The following RYR2 variants were observed in gnomAD, a reference collection of about 807,000 sequenced individuals.
RYR2 encodes cardiac muscle ryanodine receptor-calcium release channel.
In RYR2, 227 loss-of-function variants were observed where a neutral mutation model predicts 601.1. The observed-to-expected ratio is 0.38, with a 90% CI of 0.34 to 0.42. The LOEUF (loss-of-function observed/expected upper bound fraction) is 0.42. Among genes scored for constraint, RYR2 ranks in the 10% least tolerant of loss-of-function variants. The pLI is 1.00. For missense variants in RYR2, 4,646 were observed against 6,156.5 expected (o/e 0.75, Z 8.21); for synonymous variants, 2,223 against 2,175.1 (o/e 1.02, Z -0.61).
At chr1:237,544,294 CTT>C in intron 25 of RYR2, among the ~76,000 whole-genome samples, 1 of 152,084 alleles carries the variant, frequency 6.6e-6, no homozygotes, top group African/African-American at 2.4e-5. Flanking sequence ...GTAAAAGCTA[CTT>C]ATACCTGTTC....
chr1:237,247,779 A>C (rs78522423), intron 1 of RYR2, among the ~76,000 whole-genome samples: 4,493 of 152,250 alleles, frequency 0.03, 233 homozygotes, highest in African/African-American at 0.1. Context: ...CATTGTTTTA[A>C]GAGGGAGATC....
chr1:237,293,692 C>A (rs1427588144), intron 2 of RYR2, among the ~76,000 whole-genome samples: 1 of 152,180 alleles, frequency 6.6e-6, no homozygotes, highest in East Asian at 1.9e-4. Flanking sequence ...CAGATGAACA[C>A]TCAGATGGAA....
chr1:237,760,439 T>G (rs1693331492), intron 83 of RYR2, among the ~76,000 whole-genome samples: 1 of 151,900 alleles, frequency 6.6e-6, no homozygotes, highest in Non-Finnish European at 1.5e-5. Context: ...TCTGCATACT[T>G]GAAAATGAGT....
chr1:237,527,090 T>G (rs2805441), intron 24 of RYR2, among the ~76,000 whole-genome samples: 72,496 of 152,032 alleles, frequency 0.48, 17,571 homozygotes, highest in East Asian at 0.6. Flanking sequence ...TTTGTTAACT[T>G]TGTCAAAGAT....
At chr1:237,308,502 T>C (rs1449848663) in intron 2 of RYR2, among the ~76,000 whole-genome samples, 4 of 152,190 alleles carry the variant, frequency 2.6e-5, no homozygotes, top group Non-Finnish European at 5.9e-5. Flanking sequence ...AATTGGTGGG[T>C]TCTTGGTCTC....
chr1:237,258,126 C>T (rs1177812898), intron 1 of RYR2, among the ~76,000 whole-genome samples: 1 of 148,380 alleles, frequency 6.7e-6, no homozygotes, highest in Non-Finnish European at 1.5e-5. Flanking sequence ...CGAGATCGTG[C>T]CATTGCACTC....
At chr1:237,056,902 C>T (rs941730065) in intron 1 of RYR2, among the ~76,000 whole-genome samples, 12 of 152,194 alleles carry the variant, frequency 7.9e-5, no homozygotes, top group African/African-American at 2.4e-4. Context: ...CGGAAGGAAC[C>T]AGCCCTGCTG....
chr1:237,692,871 C>T (rs1286268094), intron 63 of RYR2, among the ~76,000 whole-genome samples: 1 of 152,150 alleles, frequency 6.6e-6, no homozygotes, highest in Non-Finnish European at 1.5e-5. Context: ...GGTATGCCTA[C>T]CAGATTAATA....
intron 1 of RYR2, among the ~76,000 whole-genome samples, chr1:237,054,118 C>T (rs547952864): frequency 6.6e-6 from 1 of 152,240 alleles, no homozygotes; most frequent in African/African-American, 2.4e-5. Context: ...AGTGATGTTG[C>T]TGGCGAGCCC....
At chr1:237,369,761 A>G (rs1700493369) in intron 6 of RYR2, among the ~76,000 whole-genome samples, 153 bp downstream of exon 6, 1 of 152,190 alleles carries the variant, frequency 6.6e-6, no homozygotes, top group Non-Finnish European at 1.5e-5. Flanking sequence ...TTAGTTTCTC[A>G]TGTAAAAGAT....
intron 17 of RYR2, among the ~76,000 whole-genome samples, chr1:237,470,026 A>G (rs1660533350): frequency 6.6e-6 from 1 of 152,184 alleles, no homozygotes; most frequent in African/African-American, 2.4e-5. Context: ...TGCCTCAGTG[A>G]CACCCAAATG....
chr1:237,103,311 C>T (rs116641016), intron 1 of RYR2, among the ~76,000 whole-genome samples: 298 of 152,358 alleles, frequency 2.0e-3, no homozygotes, highest in African/African-American at 6.9e-3. Context: ...TCACCTACAA[C>T]GGAAGCTGAA....
rs1457438752 is a variant in RYR2, at chr1:237,180,082, T to C, written c.49-90415T>C. Among the ~76,000 whole-genome samples the C allele has an allele frequency of 6.6e-6, 1 of 152,026 alleles. No homozygotes were observed. The highest frequency in any genetic ancestry group is 1.5e-5 in the Non-Finnish European group (1 of 68,024). Reference sequence around the variant, plus strand: ...ATGGGAGACCCGACTTACTGAGCCATGTCCGTGTCGTCCTGTTGGTAAGGG... The same window carrying C: ...ATGGGAGACCCGACTTACTGAGCCACGTCCGTGTCGTCCTGTTGGTAAGGG... On this transcript the variant is annotated intron_variant, in intron 1 of 104. Transcript: ENST00000366574. This position sits in a 1 kb window ranked among gnomAD's most constrained non-coding sequence, Gnocchi z 5.3.
intron 95 of RYR2, among the ~76,000 whole-genome samples, chr1:237,794,398 A>C (rs1208051076): frequency 2.6e-5 from 4 of 152,206 alleles, no homozygotes; most frequent in Non-Finnish European, 2.9e-5. Context: ...TTACACCTTG[A>C]ATATATCTGA....
At chr1:237,055,826 C>A (rs1661928928) in intron 1 of RYR2, among the ~76,000 whole-genome samples, 1 of 152,156 alleles carries the variant, frequency 6.6e-6, no homozygotes, top group Non-Finnish European at 1.5e-5. Context: ...TTAAGCTGGC[C>A]CCTGGTCCTA....
intron 56 of RYR2, among the ~76,000 whole-genome samples, chr1:237,661,229 A>G (rs948156109): frequency 4.7e-4 from 72 of 152,244 alleles, no homozygotes; most frequent in African/African-American, 1.6e-3. Flanking sequence ...CATCATTCTC[A>G]GCAAACTAAC....
chr1:237,484,178 A>G (rs1253677697), intron 17 of RYR2, among the ~76,000 whole-genome samples: 1 of 152,058 alleles, frequency 6.6e-6, no homozygotes. Flanking sequence ...CAGTATTATT[A>G]CTCCTACTTG....
chr1:237,124,104 A>T (rs912471626), intron 1 of RYR2, among the ~76,000 whole-genome samples: 1 of 152,210 alleles, frequency 6.6e-6, no homozygotes, highest in African/African-American at 2.4e-5. Flanking sequence ...GCTGGAGAAC[A>T]GGGTTACGGT....
At chr1:237,194,997 G>T (rs1680395441) in intron 1 of RYR2, among the ~76,000 whole-genome samples, 1 of 152,082 alleles carries the variant, frequency 6.6e-6, no homozygotes, top group Admixed American at 6.6e-5. Context: ...ACCTATTAGG[G>T]CATCACTAAA....
Sources: allele counts gnomAD v4.1 joint callset (sites outside exome capture counted in the v4.1 genomes callset), GRCh38; gene constraint gnomAD v4.1.1; non-coding constraint Gnocchi (gnomAD v3.1); transcripts MANE v1.5; gene names NCBI Gene and HGNC (gene_info 2026-07-23, HGNC 2026-07-21).